CTH: variants seen among roughly 807,000 people sequenced by gnomAD.
CTH encodes the protein cystathionase (cystathionine gamma-lyase).
Under a neutral mutation model 50.6 loss-of-function variants are expected in CTH, and 41 were observed. The ratio of observed to expected loss-of-function variants is 0.81; its 90% CI spans 0.63 to 1.05. The LOEUF (loss-of-function observed/expected upper bound fraction) is 1.05, where lower values mean the gene tolerates loss of function less well. Ranked by LOEUF, CTH falls within the 50% of genes least tolerant of loss-of-function variation. The pLI is 0.00. For missense variants in CTH, 470 were observed against 492.6 expected (o/e 0.95, Z 0.43); for synonymous variants, 156 against 168.9 (o/e 0.92, Z 0.59).
At chr1:70,417,537 G>A (rs1033606106) in intron 2 of CTH, among the ~76,000 whole-genome samples, 9 of 152,168 alleles carry the variant, frequency 5.9e-5, no homozygotes, top group Non-Finnish European at 1.3e-4. Flanking sequence ...CACCTGCCTT[G>A]GGCTCCCAAA....
intron 10 of CTH, among the ~76,000 whole-genome samples, chr1:70,435,747 G>T (rs1012694634): frequency 6.6e-6 from 1 of 152,062 alleles, no homozygotes; most frequent in African/African-American, 2.4e-5. Context: ...AATTCATCTA[G>T]TTTTTTCAAA....
chr1:70,421,616 TC>T lies in CTH; in HGVS notation c.398del (p.Ser133PhefsTer11). On this transcript the variant is annotated frameshift_variant, in exon 4 of 12. Transcript: ENST00000370938. LOFTEE classifies it high-confidence loss of function. ...GGCATCTGAATTTGGATTAAAGATT[TC>T]TTTTGTTGATTGTTCCAAAATCAAA... The part of the protein sequence containing the change: ...QVASEFGLKI[S>X]FVDCSKIKLL... The T allele has an allele frequency of 6.2e-7, 1 of 1,613,982 alleles. No homozygotes were observed. Among genetic ancestry groups the T allele is most frequent in the Non-Finnish European group, 8.5e-7 (1 of 1,179,924 alleles).
chr1:70,439,540 A>G lies in CTH; in HGVS notation c.*413A>G. 2 of 197,408 alleles carry G rather than the reference A, an allele frequency of 1.0e-5. No individual in the cohort carries two copies. The highest frequency in any genetic ancestry group is 1.9e-4 in the South Asian group (2 of 10,452). The allele number at this position is 197,408 out of a possible 1,614,324, so 12.2% of individuals were successfully genotyped here. Reference sequence around the variant, plus strand: ...GTGTGATTTTTTTGCATATCATTGAAAAGAACATTAAAAGCAATGGTTTAC... The same window carrying G: ...GTGTGATTTTTTTGCATATCATTGAGAAGAACATTAAAAGCAATGGTTTAC... On this transcript the variant is annotated 3_prime_UTR_variant, in exon 12 of 12. Coordinates refer to ENST00000370938, the MANE Select transcript of CTH (RefSeq NM_001902.6).
rs1298006282 is a variant in CTH, at chr1:70,424,405, C to G, written c.577C>G (p.Pro193Ala). 4 of 1,613,996 alleles carry G rather than the reference C, an allele frequency of 2.5e-6. No individual in the cohort carries two copies. The South Asian group carries it at 4.4e-5, about 18-fold the overall frequency. Residue 193 changes from proline (P) to alanine (A), a missense_variant, in exon 5 of 12, where the codon CCA becomes GCA. Transcript: ENST00000370938. Reference protein sequence around the residue: ...ILVVDNTFMSPYFQRPLALGA... With the variant: ...ILVVDNTFMSAYFQRPLALGA... ...GGTCGTGGATAACACTTTTATGTCACCATATTTCCAGGTAAATGAAAATAA... is the reference window on the plus strand; with the variant it reads ...GGTCGTGGATAACACTTTTATGTCAGCATATTTCCAGGTAAATGAAAATAA...
intron 2 of CTH, among the ~76,000 whole-genome samples, chr1:70,417,560 T>C (rs919337194): frequency 2.6e-5 from 4 of 152,158 alleles, no homozygotes; most frequent in Non-Finnish European, 5.9e-5. Flanking sequence ...GCTGGGATTA[T>C]AGGCATTAGC....
Position 70,429,864 on chromosome 1 carries a change from C to T in CTH, c.646+13C>T. On this transcript the variant is annotated intron_variant, in intron 6 of 11. Coordinates refer to ENST00000370938, the MANE Select transcript of CTH (RefSeq NM_001902.6). ...AAATACATGAATGGTAAGATGCATA[C>T]TTTGAATGTTCTTTTTCATGGATAG... The T allele has an allele frequency of 1.9e-6, 3 of 1,590,468 alleles. No homozygotes were observed. Among genetic ancestry groups the T allele is most frequent in the Non-Finnish European group, 2.6e-6 (3 of 1,158,810 alleles).
intron 10 of CTH, among the ~76,000 whole-genome samples, chr1:70,436,508 C>T (rs150879343): frequency 2.6e-5 from 4 of 152,090 alleles, no homozygotes; most frequent in East Asian, 1.9e-4. Context: ...TAAATGTATA[C>T]GGTGTATTTC....
At chr1:70,412,294 T>C (rs776898375) in intron 1 of CTH, among the ~76,000 whole-genome samples, 1 of 152,250 alleles carries the variant, frequency 6.6e-6, no homozygotes, top group African/African-American at 2.4e-5. Flanking sequence ...ATTTAAGCAC[T>C]GTGGCTTAGT....
At chr1:70,429,109 A>G (rs904221984) in intron 5 of CTH, among the ~76,000 whole-genome samples, 4 of 152,164 alleles carry the variant, frequency 2.6e-5, no homozygotes, top group African/African-American at 9.7e-5. Context: ...TTCTTGTAAT[A>G]CCTAATACAA....
intron 1 of CTH, among the ~76,000 whole-genome samples, chr1:70,413,131 G>C (rs1042878257): frequency 2.0e-5 from 3 of 152,102 alleles, no homozygotes; most frequent in Non-Finnish European, 4.4e-5. Flanking sequence ...TATAAGTTGA[G>C]GAAAATCCTT....
rs34044393 is a variant in CTH, at chr1:70,438,274, A to T, written c.1053-414A>T. Among the ~76,000 whole-genome samples, 125 of 152,294 alleles carry T rather than the reference A, an allele frequency of 8.2e-4. 1 individual carries two copies. Among genetic ancestry groups the T allele is most frequent in the African/African-American group, 2.9e-3 (119 of 41,576 alleles). ...TGGATTGATTCAGAGGAAACTAATT[A>T]TGACAGGCTCTTGGTCCAAGAGACC... is the stretch of plus-strand genomic sequence containing the variant. On this transcript the variant is annotated intron_variant, in intron 10 of 11. Transcript: ENST00000370938.
intron 1 of CTH, among the ~76,000 whole-genome samples, chr1:70,413,082 A>G (rs1684006043): frequency 6.6e-6 from 1 of 152,098 alleles, no homozygotes; most frequent in Non-Finnish European, 1.5e-5. Context: ...TGTAAGTCCA[A>G]AGCCTTGATT....
chr1:70,416,559 ATTTTTTT>A (rs34806645), intron 2 of CTH, among the ~76,000 whole-genome samples: 1 of 115,636 alleles, frequency 8.6e-6, no homozygotes, highest in East Asian at 2.4e-4. Context: ...CACCCTGCTA[ATTTTTTT>A]TTTTTTTTTT....
Position 70,439,399 on chromosome 1 carries a change from A to AGAT in CTH, c.*273_*275dup, listed in dbSNP as rs1419930179. On this transcript the variant is annotated 3_prime_UTR_variant, in exon 12 of 12. Coordinates refer to ENST00000370938, the MANE Select transcript of CTH (RefSeq NM_001902.6). ...GAGGTGAGATTTGTGCTACTTTGGG[A>AGAT]GATTATGTTCTTTTTTCATGTCTAA... The AGAT allele has an allele frequency of 2.3e-6, 1 of 433,834 alleles. No homozygotes were observed. The highest frequency in any genetic ancestry group is 3.8e-5 in the East Asian group (1 of 26,390). The allele number at this position is 433,834 out of a possible 1,614,324, so 26.9% of individuals were successfully genotyped here.
chr1:70,429,990 A>C, intron 6 of CTH, 139 bp downstream of exon 6: 4 of 683,832 alleles, frequency 5.8e-6, no homozygotes, highest in Admixed American at 5.2e-5. Context: ...AAATCCTTTG[A>C]TTAAATGTAG....
intron 5 of CTH, among the ~76,000 whole-genome samples, chr1:70,426,631 T>A (rs1458234542): frequency 6.6e-6 from 1 of 152,238 alleles, no homozygotes; most frequent in African/African-American, 2.4e-5. Context: ...GACACCTTCG[T>A]GGGCCATCTG....
chr1:70,421,466 C>T, intron 3 of CTH, 100 bp from the exon 4 acceptor site: 1 of 1,263,940 alleles, frequency 7.9e-7, no homozygotes, highest in Non-Finnish European at 1.1e-6. Context: ...TCCTTGGTGA[C>T]TGAGAGTTCC....
chr1:70,429,676 A>G, intron 5 of CTH, 118 bp from the exon 6 acceptor site: 6 of 739,746 alleles, frequency 8.1e-6, no homozygotes, highest in Non-Finnish European at 1.4e-5. Context: ...AGATGCACAT[A>G]CTTTTGCAAA....
At chr1:70,424,116 C>T (rs1038061938) in intron 4 of CTH, among the ~76,000 whole-genome samples, 169 bp from the exon 5 acceptor site, 6 of 152,190 alleles carry the variant, frequency 3.9e-5, no homozygotes, top group South Asian at 2.1e-4. Flanking sequence ...TACATACCTA[C>T]GGCTTCAGAA....
Sources: allele counts gnomAD v4.1 joint callset (sites outside exome capture counted in the v4.1 genomes callset), GRCh38; gene constraint gnomAD v4.1.1; transcripts MANE v1.5; gene names NCBI Gene and HGNC (gene_info 2026-07-23, HGNC 2026-07-21).